Variants in BCL11B observed in about 807,000 individuals in gnomAD.
BCL11B encodes the protein BCL11 transcription factor B.
Under a neutral mutation model 49.9 loss-of-function variants are expected in BCL11B, and 8 were observed. The observed-to-expected ratio is 0.16, with a 90% CI of 0.09 to 0.29. The LOEUF (loss-of-function observed/expected upper bound fraction) is 0.29, where lower values mean the gene tolerates loss of function less well. Among genes scored for constraint, BCL11B ranks in the 10% least tolerant of loss-of-function variants. The pLI is 1.00. For missense variants in BCL11B, 1,006 were observed against 1,351.0 expected (o/e 0.74, Z 4.00); for synonymous variants, 739 against 637.4 (o/e 1.16, Z -2.40).
At chr14:99,229,051 G>GATGGATGGATGGATGC (rs1888244530) in intron 3 of BCL11B, among the ~76,000 whole-genome samples, 2 of 88,448 alleles carry the variant, frequency 2.3e-5, no homozygotes, top group South Asian at 6.4e-4. Context: ...TGCATGGATG[G>GATGGATGGATGGATGC]ATGGATGGAT....
chr14:99,239,201 G>A (rs1298853078), intron 2 of BCL11B, among the ~76,000 whole-genome samples: 2 of 152,192 alleles, frequency 1.3e-5, no homozygotes, highest in Non-Finnish European at 2.9e-5. Flanking sequence ...GATCAGAGGT[G>A]TGGTAGCTGC....
rs1004614490 is a variant in BCL11B, at chr14:99,262,892, A to C, written c.59-5053T>G. 7 of 152,182 alleles carry C rather than the reference A, an allele frequency of 4.6e-5. No homozygotes were observed. Among genetic ancestry groups the C allele is most frequent in the African/African-American group, 1.4e-4 (6 of 41,400 alleles). 9.4% of individuals were successfully genotyped at this position (152,182 alleles called of 1,614,324 possible). A position where few individuals can be genotyped will look rare whatever the true frequency, so the allele number is the denominator to read the frequency against. ...GAAGGGTGGAGGGGGAGAGAGCAGG[A>C]ATCAATTCTTGGTGGAGAAAATAAT... is the stretch of plus-strand genomic sequence containing the variant. On this transcript the variant is annotated intron_variant, in intron 1 of 3. Transcript: ENST00000357195. This position sits in a 1 kb window ranked among gnomAD's most constrained non-coding sequence, Gnocchi z 4.2.
Position 99,175,116 on chromosome 14 carries a change from G to A in BCL11B, c.1720C>T (p.Pro574Ser), listed in dbSNP as rs767239372. Reference protein sequence around the residue: ...RNRENGGGGVPGVPGAGGGAA... With the variant: ...RNRENGGGGVSGVPGAGGGAA... Reference sequence around the variant, plus strand: ...CCGCCCCCCGCGCCCGGGACCCCGGGCACCCCACCACCGCCGTTCTCGCGG... The same window carrying A: ...CCGCCCCCCGCGCCCGGGACCCCGGACACCCCACCACCGCCGTTCTCGCGG... The change falls in exon 4 of 4, where the codon CCC becomes TCC. Residue 574 changes from proline (P) to serine (S), a missense_variant. Physicochemically the swap from Pro to Ser is moderately conservative, Grantham distance 74 (BLOSUM62 -1). Around this residue, in one of 6 missense-constraint regions of BCL11B, gnomAD observed 443 missense variants for 499.7 expected, o/e 0.89. Coordinates refer to ENST00000357195, the MANE Select transcript of BCL11B (RefSeq NM_138576.4). 1 of 1,590,030 alleles carries A rather than the reference G, an allele frequency of 6.3e-7. No individual in the cohort carries two copies.
rs754532599 is a variant in BCL11B, at chr14:99,257,827, T to A, written c.71A>T (p.His24Leu). 6.5e-7 allele frequency: 1 copy of A among 1,537,406 alleles called. No homozygotes were observed. The highest frequency in any genetic ancestry group is 2.3e-5 in the East Asian group (1 of 43,760). Residue 24 changes from histidine to leucine, a missense_variant, in exon 2 of 4, where the codon CAT becomes CTT. His to Leu is a moderately conservative substitution (Grantham distance 99, BLOSUM62 -3). Transcript: ENST00000357195. This position sits in a 1 kb window ranked among gnomAD's most constrained non-coding sequence, Gnocchi z 6.2. ...TTCTTCGAGGATGGCGGCCTCCACA[T>A]GGTCAGCCTCTGCTGGAGACAGAAA... ...QRELITPEAD[H>L]VEAAILEEDE...
intron 3 of BCL11B, among the ~76,000 whole-genome samples, chr14:99,221,601 C>T (rs755339603): frequency 1.3e-5 from 2 of 152,258 alleles, no homozygotes; most frequent in East Asian, 1.9e-4. Context: ...CAGGACCAGA[C>T]GCAAGGACAG....
chr14:99,233,025 T>C lies in BCL11B; in HGVS notation c.428-1468A>G, dbSNP rs144667995. 4.4e-3 allele frequency among the ~76,000 whole-genome samples: 670 copies of C among 152,256 alleles called. 4 individuals carry two copies. The highest frequency in any genetic ancestry group is 0.015 in the African/African-American group (633 of 41,548). ...GCCCAGGGTATTTCTGAGCTGGGGA[T>C]AGCCCTGGAAGGATGTGGCTGAGGA... is the stretch of plus-strand genomic sequence containing the variant. On this transcript the variant is annotated intron_variant, in intron 2 of 3. Transcript: ENST00000357195.
At chr14:99,251,739 G>A (rs528754199) in intron 2 of BCL11B, among the ~76,000 whole-genome samples, 10 of 152,180 alleles carry the variant, frequency 6.6e-5, no homozygotes, top group African/African-American at 2.4e-4. Flanking sequence ...ACTTCTGGCT[G>A]TATCCACAGG....
intron 3 of BCL11B, among the ~76,000 whole-genome samples, chr14:99,179,267 A>T (rs950356015): frequency 2.0e-5 from 3 of 152,142 alleles, no homozygotes; most frequent in African/African-American, 7.2e-5. Context: ...TGAGGTCAGG[A>T]GTTCAAGACC....
intron 3 of BCL11B, among the ~76,000 whole-genome samples, chr14:99,215,421 G>T (rs1474136335): frequency 6.6e-6 from 1 of 152,228 alleles, no homozygotes; most frequent in Non-Finnish European, 1.5e-5. Context: ...TCCATGGGGC[G>T]CAACAGTGCC....
chr14:99,170,978 T>C lies in BCL11B; in HGVS notation c.*3173A>G, dbSNP rs1886271176. On this transcript the variant is annotated 3_prime_UTR_variant, in exon 4 of 4. Coordinates refer to ENST00000357195, the MANE Select transcript of BCL11B (RefSeq NM_138576.4). ...GTGGTGGTGACCGCCACAGGAGTGA[T>C]GGTAGAGAAGGAAGATGTTCTCTCG... 1 of 232,616 alleles carries C rather than the reference T, an allele frequency of 4.3e-6. No homozygotes were observed. The highest frequency in any genetic ancestry group is 1.8e-4 in the South Asian group (1 of 5,526). The allele number at this position is 232,616 out of a possible 1,614,324, so 14.4% of individuals were successfully genotyped here. A position where few individuals can be genotyped will look rare whatever the true frequency, so the allele number is the denominator to read the frequency against.
chr14:99,195,999 T>A lies in BCL11B; in HGVS notation c.641-19804A>T, dbSNP rs944513478. On this transcript the variant is annotated intron_variant, in intron 3 of 3. Transcript: ENST00000357195. This position sits in a 1 kb window ranked among gnomAD's most constrained non-coding sequence, Gnocchi z 4.7. The stretch of plus-strand genomic sequence containing the variant: ...ATTAAAACTAGAAGCTAATAAATGA[T>A]GAAGAAGCCCATGAGCCAAGTCCTG... Among the ~76,000 whole-genome samples the A allele has an allele frequency of 6.6e-6, 1 of 152,040 alleles. No homozygotes were observed. The highest frequency in any genetic ancestry group is 6.6e-5 in the Admixed American group (1 of 15,264).
rs143812339 is a variant in BCL11B at position 99,212,479 on chromosome 14, C to T, written c.640+18866G>A. Among the ~76,000 whole-genome samples, 14 of 152,304 alleles carry T rather than the reference C, an allele frequency of 9.2e-5. No individual in the cohort carries two copies. The East Asian group carries it at 1.2e-3, about 13-fold the overall frequency. On this transcript the variant is annotated intron_variant, in intron 3 of 3. Transcript: ENST00000357195. ...ATTTCACTTCATTCACAAGCGCTCACGGACAGCCTCATGGGGGCCAGACCT... is the reference window on the plus strand; with the variant it reads ...ATTTCACTTCATTCACAAGCGCTCATGGACAGCCTCATGGGGGCCAGACCT...
At chr14:99,203,645 C>T (rs1887449811) in intron 3 of BCL11B, among the ~76,000 whole-genome samples, 1 of 152,156 alleles carries the variant, frequency 6.6e-6, no homozygotes, top group African/African-American at 2.4e-5. Flanking sequence ...CTCATTCATT[C>T]AGTGAGTCAT....
At chr14:99,265,804 T>C (rs115342501) in intron 1 of BCL11B, among the ~76,000 whole-genome samples, 1,870 of 152,306 alleles carry the variant, frequency 0.012, 39 homozygotes, top group African/African-American at 0.043. Flanking sequence ...CGCTAGGCTT[T>C]TGTCTGACCT....
chr14:99,206,920 A>G (rs2139833313), intron 3 of BCL11B, among the ~76,000 whole-genome samples: 1 of 152,306 alleles, frequency 6.6e-6, no homozygotes, highest in African/African-American at 2.4e-5. Context: ...CACGAACCCT[A>G]AAGTACTTCA....
Position 99,174,942 on chromosome 14 carries a change from C to T in BCL11B, c.1894G>A (p.Asp632Asn). ...CCCGCGTCGTCGTCGTCGCCCGCGT[C>T]CCCGCCGCCCGCCGCACGCTTCAGG... is the stretch of plus-strand genomic sequence containing the variant. Reference protein sequence around the residue: ...AFLKRAAGGGDAGDDDDAGGC... With the variant: ...AFLKRAAGGGNAGDDDDAGGC... The change falls in exon 4 of 4, where the codon GAC (aspartate) becomes AAC (asparagine). Residue 632 changes from aspartate to asparagine, a missense_variant. By Grantham distance (23) the Asp-to-Asn change is conservative. Around this residue, in one of 6 missense-constraint regions of BCL11B, gnomAD observed 443 missense variants for 499.7 expected, o/e 0.89. Coordinates refer to ENST00000357195, the MANE Select transcript of BCL11B (RefSeq NM_138576.4). 1 of 1,408,376 alleles carries T rather than the reference C, an allele frequency of 7.1e-7. No individual in the cohort carries two copies. The allele number at this position is 1,408,376 out of a possible 1,614,324, so 87.2% of individuals were successfully genotyped here.
rs1888892655 is a variant in BCL11B at position 99,247,881 on chromosome 14, C to G, written c.427+9590G>C. 6.6e-6 allele frequency among the ~76,000 whole-genome samples: 1 copy of G among 152,176 alleles called. No homozygotes were observed. Among genetic ancestry groups the G allele is most frequent in the African/African-American group, 2.4e-5 (1 of 41,434 alleles). ...CATGGAAGCTGCCCAGGCACTCAGC[C>G]CCCAGGGCAGGGGATGGGGGGAAAA... On this transcript the variant is annotated intron_variant, in intron 2 of 3. Transcript: ENST00000357195. The surrounding 1 kb of genome is among the most constrained non-coding windows in gnomAD (Gnocchi z 4.5).
At chr14:99,207,152 T>G (rs1344464313) in intron 3 of BCL11B, among the ~76,000 whole-genome samples, 1 of 152,250 alleles carries the variant, frequency 6.6e-6, no homozygotes, top group Non-Finnish European at 1.5e-5. Flanking sequence ...GACTACCTTT[T>G]CTGTCCCTTG....
Position 99,199,640 on chromosome 14 carries a change from C to CTGTGTG in BCL11B, c.641-23451_641-23446dup, listed in dbSNP as rs79328426. On this transcript the variant is annotated intron_variant, in intron 3 of 3. Transcript: ENST00000357195. ...GACTTAGCAGGGTTCTGGCTAAATG[C>CTGTGTG]TGTGTGTGTGTGTGTGTGTGTGTGT... 5.6e-3 allele frequency among the ~76,000 whole-genome samples: 617 copies of CTGTGTG among 109,478 alleles called. 2 individuals carry two copies. Among genetic ancestry groups the CTGTGTG allele is most frequent in the East Asian group, 0.013 (58 of 4,304 alleles). 71.8% of individuals were successfully genotyped at this position (109,478 alleles called of 152,430 possible).
Sources: gnomAD v4.1 joint callset for allele counts (sites outside exome capture counted in the v4.1 genomes callset) on GRCh38, gnomAD v4.1.1 for gene constraint, gnomAD v4.1.1 regional missense constraint, Gnocchi (gnomAD v3.1) non-coding constraint, MANE v1.5 for transcripts, NCBI Gene and HGNC (gene_info 2026-07-23, HGNC 2026-07-21) for gene names.